Variants in LMO2 observed in about 807,000 individuals in gnomAD.
LMO2 encodes the protein rhombotin-2.
In LMO2, 20 loss-of-function variants were observed where a neutral mutation model predicts 23.2. The observed-to-expected ratio is 0.86, with a 90% CI of 0.61 to 1.25. The LOEUF (loss-of-function observed/expected upper bound fraction) is 1.25, where lower values mean the gene tolerates loss of function less well. LMO2 is among the 50% of genes most tolerant of loss of function. The probability of loss-of-function intolerance (pLI) is 0.00; values close to 1 mark genes in which losing one functional copy is unlikely to be tolerated. For missense variants in LMO2, 270 were observed against 315.3 expected (o/e 0.86, Z 1.09); for synonymous variants, 123 against 130.2 (o/e 0.94, Z 0.38).
Position 33,869,380 on chromosome 11 carries a change from A to T in LMO2, c.214T>A (p.Ser72Thr). The T allele has an allele frequency of 8.5e-7, 1 of 1,181,084 alleles. No homozygotes were observed. The allele number at this position is 1,181,084 out of a possible 1,614,324, so 73.2% of individuals were successfully genotyped here. ...TCCAGGCTCTTCCTTTCGATGGCCG[A>T]GGACATTGGGGAGGGAGGCGGGGTG... ...PGTPPPSPMS[S>T]AIERKSLDPS... Residue 72 changes from serine (S) to threonine (T), a missense_variant, in exon 4 of 6, where the codon TCG becomes ACG. Physicochemically the swap from Ser to Thr is moderately conservative, Grantham distance 58. Around this residue, in one of 2 missense-constraint regions of LMO2, gnomAD observed 170 missense variants for 162.0 expected, o/e 1.05. Transcript: ENST00000257818.
chr11:33,881,491 C>T, intron 2 of LMO2: 1 of 431,940 alleles, frequency 2.3e-6, no homozygotes, highest in South Asian at 1.6e-5. Flanking sequence ...GGAGACGGGG[C>T]TGGCACGGAA....
At chr11:33,881,029 T>C (rs1230631691) in intron 2 of LMO2, 1 of 367,868 alleles carries the variant, frequency 2.7e-6, no homozygotes, top group Non-Finnish European at 5.3e-6. Flanking sequence ...AGGAGCTCAA[T>C]ATTCTTCTAG....
At chr11:33,871,042 C>G in intron 2 of LMO2, 1 of 983,432 alleles carries the variant, frequency 1.0e-6, no homozygotes, top group Non-Finnish European at 1.2e-6. Context: ...AGGGAACGTA[C>G]TTTCAGGATC....
Position 33,864,586 on chromosome 11 carries a change from G to A in LMO2, c.464+16C>T. On this transcript the variant is annotated intron_variant, in intron 5 of 5. Coordinates refer to ENST00000257818, the MANE Select transcript of LMO2 (RefSeq NM_005574.4). This position sits in a 1 kb window ranked among gnomAD's most constrained non-coding sequence, Gnocchi z 4.8. ...GCCTCCCTTCCGAGGGCCCAGTGGA[G>A]TGCCGGGGAGGGTACCTGAGATAGT... 1 of 1,605,032 alleles carries A rather than the reference G, an allele frequency of 6.2e-7. No homozygotes were observed. The highest frequency in any genetic ancestry group is 8.5e-7 in the Non-Finnish European group (1 of 1,174,612).
intron 4 of LMO2, among the ~76,000 whole-genome samples, chr11:33,865,961 A>C (rs1565025326): frequency 6.6e-6 from 1 of 152,212 alleles, no homozygotes; most frequent in African/African-American, 2.4e-5. Context: ...ATTTCTTAAA[A>C]ATCTATTATG....
chr11:33,878,744 A>G (rs1590650666), intron 2 of LMO2, among the ~76,000 whole-genome samples: 1 of 152,166 alleles, frequency 6.6e-6, no homozygotes, highest in Non-Finnish European at 1.5e-5. Flanking sequence ...CTGAGTTCTT[A>G]TAGCCCTTGG....
In LMO2 at chr11:33,880,574, CT is replaced by C. The variant is rs1857258095; in HGVS notation, c.-272+1249del. 1 of 152,200 alleles carries C rather than the reference CT, an allele frequency of 6.6e-6. No homozygotes were observed. The highest frequency in any genetic ancestry group is 1.5e-5 in the Non-Finnish European group (1 of 68,108). The allele number at this position is 152,200 out of a possible 1,614,324, so 9.4% of individuals were successfully genotyped here. On this transcript the variant is annotated intron_variant, in intron 2 of 5. Transcript: ENST00000257818. The surrounding 1 kb of genome is among the most constrained non-coding windows in gnomAD (Gnocchi z 4.3). Reference sequence around the variant, plus strand: ...TTCAGTTGGAAAACATTAAAAAGTTCTAGAGCTATATAGTGGTGATGGTCAC... The same window carrying C: ...TTCAGTTGGAAAACATTAAAAAGTTCAGAGCTATATAGTGGTGATGGTCAC...
At position 33,869,407 on chromosome 11, in the gene LMO2, C is replaced by G; in HGVS notation, c.187G>C (p.Gly63Arg). Residue 63 changes from glycine (G) to arginine (R), a missense_variant, in exon 4 of 6, where the codon GGC (glycine) becomes CGC (arginine). This residue lies in a region of LMO2 where 170 missense variants were observed against 162.0 expected (regional missense o/e 1.05). Transcript: ENST00000257818. ...GACATTGGGGAGGGAGGCGGGGTGC[C>G]GGGCGGCGGGGGCGCTCCCTTTGTG... ...RATKGAPPPP[G>R]TPPPSPMSSA... is the part of the protein sequence containing the mutation. 1 of 1,157,620 alleles carries G rather than the reference C, an allele frequency of 8.6e-7. No homozygotes were observed. Among genetic ancestry groups the G allele is most frequent in the Non-Finnish European group, 1.1e-6 (1 of 930,524 alleles). The allele number at this position is 1,157,620 out of a possible 1,614,324, so 71.7% of individuals were successfully genotyped here.
rs1857474669 is a variant in LMO2 at position 33,888,788 on chromosome 11, T to C, written c.-336+3007A>G. 1.3e-5 allele frequency among the ~76,000 whole-genome samples: 2 copies of C among 152,244 alleles called. 1 individual carries two copies. Among genetic ancestry groups the C allele is most frequent in the South Asian group, 4.1e-4 (2 of 4,828 alleles). ...AGCCCCTTTCAGGCAAGAGCAATGTTTGTTTTGTTGACGTCTACGTATCCG... is the reference window on the plus strand; with the variant it reads ...AGCCCCTTTCAGGCAAGAGCAATGTCTGTTTTGTTGACGTCTACGTATCCG... On this transcript the variant is annotated intron_variant, in intron 1 of 5. Transcript: ENST00000257818.
rs1353043698 is a variant in LMO2, at chr11:33,858,595, T to A, written c.*761A>T. 2 of 155,028 alleles carry A rather than the reference T, an allele frequency of 1.3e-5. No individual in the cohort carries two copies. The highest frequency in any genetic ancestry group is 2.6e-5 in the Non-Finnish European group (2 of 75,918). 9.6% of individuals were successfully genotyped at this position (155,028 alleles called of 1,614,324 possible). A position where few individuals can be genotyped will look rare whatever the true frequency, so the allele number is the denominator to read the frequency against. ...ACTGTATTTCAGTCTGTCATTTTTATTAAGCCTGCAGAGCTGTTTTTTTTT... is the reference window on the plus strand; with the variant it reads ...ACTGTATTTCAGTCTGTCATTTTTAATAAGCCTGCAGAGCTGTTTTTTTTT... On this transcript the variant is annotated 3_prime_UTR_variant, in exon 6 of 6. Coordinates refer to ENST00000257818, the MANE Select transcript of LMO2 (RefSeq NM_005574.4).
Position 33,872,252 on chromosome 11 carries a change from T to C in LMO2, c.-271-2265A>G, listed in dbSNP as rs533266584. Among the ~76,000 whole-genome samples the C allele has an allele frequency of 2.6e-5, 4 of 152,148 alleles. No homozygotes were observed. In the South Asian group the frequency reaches 6.2e-4, roughly 24 times the overall value. On this transcript the variant is annotated intron_variant, in intron 2 of 5. Coordinates refer to ENST00000257818, the MANE Select transcript of LMO2 (RefSeq NM_005574.4). ...GTTGCAGTGAGCAGAGATCGCGCCA[T>C]TGCACTCCAGCCTGGGTGACAGAGT... is the stretch of plus-strand genomic sequence containing the variant.
intron 4 of LMO2, chr11:33,865,022 T>C (rs1856731752): frequency 6.5e-6 from 4 of 613,634 alleles, no homozygotes; most frequent in Non-Finnish European, 1.2e-5. Flanking sequence ...CAGACCTTAC[T>C]CCCTAGATGT....
In LMO2 at chr11:33,875,714, T is replaced by G. The variant is rs536262271; in HGVS notation, c.-271-5727A>C. On this transcript the variant is annotated intron_variant, in intron 2 of 5. Coordinates refer to ENST00000257818, the MANE Select transcript of LMO2 (RefSeq NM_005574.4). ...TGTCAAACCTTCCCCCACCTTCTCCTTTGGGTACCAAACCCTGAGCTTTAT... is the reference window on the plus strand; with the variant it reads ...TGTCAAACCTTCCCCCACCTTCTCCGTTGGGTACCAAACCCTGAGCTTTAT... 5.9e-5 allele frequency among the ~76,000 whole-genome samples: 9 copies of G among 152,286 alleles called. No homozygotes were observed. In the East Asian group the frequency reaches 1.2e-3, roughly 20 times the overall value.
Position 33,869,523 on chromosome 11 carries a change from C to T in LMO2, c.71G>A (p.Arg24Gln). 8.1e-6 allele frequency: 10 copies of T among 1,241,052 alleles called. No homozygotes were observed. The highest frequency in any genetic ancestry group is 9.1e-6 in the Non-Finnish European group (9 of 983,692). The allele number at this position is 1,241,052 out of a possible 1,614,324, so 76.9% of individuals were successfully genotyped here. A position where few individuals can be genotyped will look rare whatever the true frequency, so the allele number is the denominator to read the frequency against. The change falls in exon 4 of 6, where the codon CGG (arginine) becomes CAG (glutamine). Residue 24 changes from arginine (R) to glutamine (Q), a missense_variant. Around this residue, in one of 2 missense-constraint regions of LMO2, gnomAD observed 170 missense variants for 162.0 expected, o/e 1.05. Coordinates refer to ENST00000257818, the MANE Select transcript of LMO2 (RefSeq NM_005574.4). ...GCCGTCGCCGCCGCTCCTGCGCCTC[C>T]GCTTGCTCCGGCGCTCCGCCGGCGA... ...ASSPAERRSK[R>Q]RRRSGGDGGG...
intron 2 of LMO2, among the ~76,000 whole-genome samples, chr11:33,873,808 C>T (rs1310949371): frequency 6.6e-6 from 1 of 150,844 alleles, no homozygotes; most frequent in African/African-American, 2.5e-5. Flanking sequence ...ATTTTTTTCC[C>T]CTGTGGGCAT....
At chr11:33,887,691 C>T (rs578025727) in intron 1 of LMO2, among the ~76,000 whole-genome samples, 10 of 152,096 alleles carry the variant, frequency 6.6e-5, no homozygotes, top group South Asian at 4.2e-4. Context: ...TGTGCCACCA[C>T]GCTTGGCTAA....
At chr11:33,878,528 C>T (rs1005006805) in intron 2 of LMO2, among the ~76,000 whole-genome samples, 1 of 152,172 alleles carries the variant, frequency 6.6e-6, no homozygotes, top group Non-Finnish European at 1.5e-5. Flanking sequence ...TAGGAGTAGT[C>T]ATTGAGATAA....
chr11:33,871,567 CAA>C (rs58212820), intron 2 of LMO2, among the ~76,000 whole-genome samples: 6 of 52,932 alleles, frequency 1.1e-4, no homozygotes, highest in East Asian at 5.4e-4. Flanking sequence ...GACCCTGTCT[CAA>C]AAAAAAAAAA....
Position 33,869,765 on chromosome 11 carries a change from G to T in LMO2, c.-49C>A, listed in dbSNP as rs569810791. The T allele has an allele frequency of 1.0e-5, 12 of 1,190,114 alleles. No individual in the cohort carries two copies. The African/African-American group carries it at 1.8e-4, about 18-fold the overall frequency. The allele number at this position is 1,190,114 out of a possible 1,614,324, so 73.7% of individuals were successfully genotyped here. A position where few individuals can be genotyped will look rare whatever the true frequency, so the allele number is the denominator to read the frequency against. On this transcript the variant is annotated 5_prime_UTR_variant, in exon 3 of 6. Coordinates refer to ENST00000257818, the MANE Select transcript of LMO2 (RefSeq NM_005574.4). Reference sequence around the variant, plus strand: ...CCGGTCCCTCTCGCGCGCTGTCGCCGGCTCCGCGCCGCCCGCGGGGATGGT... The same window carrying T: ...CCGGTCCCTCTCGCGCGCTGTCGCCTGCTCCGCGCCGCCCGCGGGGATGGT...
Sources: allele counts gnomAD v4.1 joint callset (sites outside exome capture counted in the v4.1 genomes callset), GRCh38; gene constraint gnomAD v4.1.1; regional missense constraint gnomAD v4.1.1; non-coding constraint Gnocchi (gnomAD v3.1); transcripts MANE v1.5; gene names NCBI Gene and HGNC (gene_info 2026-07-23, HGNC 2026-07-21).